The following PRKCA variants were observed in gnomAD, a reference collection of about 807,000 sequenced individuals.
PRKCA encodes protein kinase C alpha type.
In PRKCA, 27 loss-of-function variants were observed where a neutral mutation model predicts 87.0. The observed-to-expected ratio is 0.31, with a 90% CI of 0.23 to 0.43. The LOEUF (loss-of-function observed/expected upper bound fraction) is 0.43, where lower values mean the gene tolerates loss of function less well. Ranked by LOEUF, PRKCA falls within the 20% of genes least tolerant of loss-of-function variation. PRKCA has a pLI of 1.00. For missense variants in PRKCA, 518 were observed against 852.3 expected, an observed-to-expected ratio of 0.61 and a Z score of 4.88; for synonymous variants, 329 against 311.1, an observed-to-expected ratio of 1.06 and a Z score of -0.61.
At chr17:66,759,739 A>G (rs922221111) in intron 13 of PRKCA, among the ~76,000 whole-genome samples, 1 of 152,252 alleles carries the variant, frequency 6.6e-6, no homozygotes, top group Admixed American at 6.5e-5. Context: ...AGTGGATATA[A>G]AAGATATATC....
intron 3 of PRKCA, among the ~76,000 whole-genome samples, chr17:66,553,835 AG>A (rs1207858457): frequency 6.6e-6 from 1 of 152,192 alleles, no homozygotes; most frequent in East Asian, 1.9e-4. Flanking sequence ...GTGTTTAAGC[AG>A]TAGAGAAAGC....
chr17:66,593,111 G>T (rs1340690996), intron 3 of PRKCA, among the ~76,000 whole-genome samples: 2 of 152,184 alleles, frequency 1.3e-5, no homozygotes, highest in African/African-American at 4.8e-5. Context: ...ATTAAATAAA[G>T]AAACATTTAT....
rs1229163447 is a variant in PRKCA at position 66,765,420 on chromosome 17, A to ATCTATATCTATATATCTATATATC, written c.1525-8566_1525-8565insCTATATCTATATATCTATATATCT. Among the ~76,000 whole-genome samples the ATCTATATCTATATATCTATATATC allele has an allele frequency of 4.9e-4, 53 of 107,708 alleles. 1 individual carries two copies. Among genetic ancestry groups the ATCTATATCTATATATCTATATATC allele is most frequent in the South Asian group, 2.1e-3 (7 of 3,300 alleles). The allele number at this position is 107,708 out of a possible 152,430, so 70.7% of individuals were successfully genotyped here. A position where few individuals can be genotyped will look rare whatever the true frequency, so the allele number is the denominator to read the frequency against. On this transcript the variant is annotated intron_variant, in intron 13 of 16. Coordinates refer to ENST00000413366, the MANE Select transcript of PRKCA (RefSeq NM_002737.3). The stretch of plus-strand genomic sequence containing the variant: ...TGGTCGACAGAGCAAGACTTTGTCT[A>ATCTATATCTATATATCTATATATC]TATATATATATATATATATATATAT...
chr17:66,778,218 T>C (rs1975107939), intron 14 of PRKCA: 5 of 984,848 alleles, frequency 5.1e-6, no homozygotes, highest in Middle Eastern at 5.2e-4. Flanking sequence ...ATCATCTCTA[T>C]TAAAAACGGT....
At chr17:66,348,504 A>G (rs1907546610) in intron 2 of PRKCA, among the ~76,000 whole-genome samples, 1 of 152,184 alleles carries the variant, frequency 6.6e-6, no homozygotes, top group African/African-American at 2.4e-5. Context: ...GAGGACCCTT[A>G]AGGGTTTGTG....
At chr17:66,592,432 G>A (rs1969838984) in intron 3 of PRKCA, among the ~76,000 whole-genome samples, 1 of 148,420 alleles carries the variant, frequency 6.7e-6, no homozygotes, top group African/African-American at 2.5e-5. Flanking sequence ...TCAAAAAATA[G>A]AAAAAGAAAG....
intron 8 of PRKCA, among the ~76,000 whole-genome samples, chr17:66,711,026 G>T (rs1034213466): frequency 2.6e-5 from 4 of 152,026 alleles, no homozygotes; most frequent in Non-Finnish European, 5.9e-5. Context: ...CTGGGTGACA[G>T]AGTAAGACTC....
At chr17:66,451,348 ATTT>A (rs1567836074) in intron 2 of PRKCA, among the ~76,000 whole-genome samples, 13 of 84,890 alleles carry the variant, frequency 1.5e-4, no homozygotes, top group South Asian at 3.2e-4. Flanking sequence ...GTTAGAATTT[ATTT>A]ATTTATTTAT....
At chr17:66,542,575 G>A (rs1445507787) in intron 3 of PRKCA, among the ~76,000 whole-genome samples, 1 of 152,028 alleles carries the variant, frequency 6.6e-6, no homozygotes, top group Non-Finnish European at 1.5e-5. Context: ...CAAGTAGGGA[G>A]GGCAGAGCAC....
Position 66,443,071 on chromosome 17 carries a change from G to A in PRKCA, c.206-53130G>A, listed in dbSNP as rs145259101. ...ATCTCATTTGATCTCTTGGACTCCC[G>A]TTGGTTAGTAGAAACCTTATTTTAT... On this transcript the variant is annotated intron_variant, in intron 2 of 16. Transcript: ENST00000413366. 2.2e-4 allele frequency among the ~76,000 whole-genome samples: 34 copies of A among 152,286 alleles called. No homozygotes were observed. The East Asian group carries it at 4.2e-3, about 19-fold the overall frequency.
At chr17:66,679,174 C>CTTTTTTTTTTTTTTTTTTT (rs10714678) in intron 5 of PRKCA, among the ~76,000 whole-genome samples, 5 of 121,056 alleles carry the variant, frequency 4.1e-5, no homozygotes, top group Non-Finnish European at 5.1e-5. Flanking sequence ...ACACTCACAC[C>CTTTTTTTTTTTTTTTTTTT]TTTTTTTTTT....
At chr17:66,418,284 A>G (rs1275944650) in intron 2 of PRKCA, among the ~76,000 whole-genome samples, 1 of 152,226 alleles carries the variant, frequency 6.6e-6, no homozygotes, top group Non-Finnish European at 1.5e-5. Flanking sequence ...TTATATTGAC[A>G]TTCTGTAGAT....
At chr17:66,503,823 T>C (rs1373142215) in intron 3 of PRKCA, among the ~76,000 whole-genome samples, 1 of 152,198 alleles carries the variant, frequency 6.6e-6, no homozygotes, top group Non-Finnish European at 1.5e-5. Flanking sequence ...AGAAATAAAT[T>C]TAACAGTGAA....
chr17:66,350,689 AT>A (rs201424364), intron 2 of PRKCA, among the ~76,000 whole-genome samples: 9 of 151,162 alleles, frequency 6.0e-5, no homozygotes, highest in African/African-American at 1.7e-4. Flanking sequence ...CACCTGGCTA[AT>A]TTTTTTTTCC....
At chr17:66,408,325 A>G (rs951366605) in intron 2 of PRKCA, among the ~76,000 whole-genome samples, 1 of 152,250 alleles carries the variant, frequency 6.6e-6, no homozygotes, top group Admixed American at 6.5e-5. Flanking sequence ...TTGACTGTTA[A>G]TTAATTAGTA....
intron 14 of PRKCA, chr17:66,774,357 A>G: frequency 1.6e-6 from 2 of 1,216,396 alleles, no homozygotes; most frequent in Non-Finnish European, 2.1e-6. Flanking sequence ...GCGGTGGCTC[A>G]TGGCTATAAT....
intron 3 of PRKCA, among the ~76,000 whole-genome samples, chr17:66,589,296 C>G (rs993658388): frequency 1.3e-5 from 2 of 151,894 alleles, no homozygotes; most frequent in Admixed American, 6.6e-5. Context: ...TCCTGTTAAA[C>G]TTTTTCTAAT....
At chr17:66,433,017 T>A (rs1020987548) in intron 2 of PRKCA, among the ~76,000 whole-genome samples, 80 of 152,168 alleles carry the variant, frequency 5.3e-4, no homozygotes, top group African/African-American at 1.8e-3. Flanking sequence ...TGTCCAAAAC[T>A]AGACTCTGAT....
intron 2 of PRKCA, among the ~76,000 whole-genome samples, chr17:66,418,923 T>C (rs1376160804): frequency 6.6e-6 from 1 of 151,522 alleles, no homozygotes; most frequent in Non-Finnish European, 1.5e-5. Context: ...GGCTAATTTT[T>C]TTTTTTTTTT....
Sources: allele counts gnomAD v4.1 joint callset (sites outside exome capture counted in the v4.1 genomes callset), GRCh38; gene constraint gnomAD v4.1.1; transcripts MANE v1.5; gene names NCBI Gene and HGNC (gene_info 2026-07-23, HGNC 2026-07-21).